Variants in EYS observed in about 807,000 individuals in gnomAD.
The protein encoded by EYS is protein eyes shut homolog.
Under a neutral mutation model 282.1 loss-of-function variants are expected in EYS, and 250 were observed. The ratio of observed to expected loss-of-function variants is 0.89; its 90% confidence interval spans 0.80 to 0.98. EYS has a LOEUF of 0.98. EYS is among the 50% of genes least tolerant of loss of function. The pLI is 0.00. For synonymous variants in EYS, 1,355 were observed against 1,282.9 expected (o/e 1.06, Z -1.20); for missense variants, 4,016 against 3,709.0 (o/e 1.08, Z -2.15).
intron 22 of EYS, among the ~76,000 whole-genome samples, chr6:64,672,573 A>C (rs563661208): frequency 1.2e-4 from 19 of 152,298 alleles, no homozygotes; most frequent in Non-Finnish European, 1.9e-4. Context: ...TCACATACTA[A>C]TGTAAATTCC....
intron 12 of EYS, among the ~76,000 whole-genome samples, chr6:65,278,601 C>T (rs1047893693): frequency 2.0e-5 from 3 of 151,834 alleles, no homozygotes; most frequent in African/African-American, 2.4e-5. Context: ...ACCCCAGTTA[C>T]TGATAGGGTT....
At chr6:64,548,341 G>A (rs1484305083) in intron 26 of EYS, among the ~76,000 whole-genome samples, 1 of 152,156 alleles carries the variant, frequency 6.6e-6, no homozygotes, top group Non-Finnish European at 1.5e-5. Flanking sequence ...TATACCCAAA[G>A]GATTATAAAT....
In EYS at chr6:64,579,995, C is replaced by T. The variant is rs968150442; in HGVS notation, c.5644+10228G>A. Among the ~76,000 whole-genome samples the T allele has an allele frequency of 2.0e-5, 3 of 152,076 alleles. No homozygotes were observed. In the East Asian group the frequency reaches 5.8e-4, roughly 29 times the overall value. On this transcript the variant is annotated intron_variant, in intron 26 of 42. Transcript: ENST00000503581. ...GTATATTGAGCCACCCAACTTCTTC[C>T]TTAGGAACCAGGCACATTATATTTA...
At chr6:64,850,443 C>T (rs1765846388) in intron 19 of EYS, among the ~76,000 whole-genome samples, 2 of 152,000 alleles carry the variant, frequency 1.3e-5, no homozygotes, top group Admixed American at 6.6e-5. Flanking sequence ...AGAGGGTCCT[C>T]CCTGAAGAAG....
intron 12 of EYS, among the ~76,000 whole-genome samples, chr6:65,226,142 T>G (rs1391903484): frequency 6.6e-6 from 1 of 152,110 alleles, no homozygotes; most frequent in Non-Finnish European, 1.5e-5. Flanking sequence ...AAAAAATCTA[T>G]TAGCATTAAT....
intron 32 of EYS, among the ~76,000 whole-genome samples, chr6:64,074,494 GA>G (rs1191740784): frequency 2.6e-5 from 4 of 151,370 alleles, no homozygotes; most frequent in South Asian, 2.1e-4. Flanking sequence ...AAATATTGAA[GA>G]TATTCATTGT....
chr6:63,899,656 G>A (rs1476020648), intron 35 of EYS, among the ~76,000 whole-genome samples: 1 of 152,120 alleles, frequency 6.6e-6, no homozygotes, highest in Non-Finnish European at 1.5e-5. Flanking sequence ...TGCCTCTTCT[G>A]GAAAGTGTTC....
At chr6:64,059,664 A>G (rs1771097152) in intron 33 of EYS, among the ~76,000 whole-genome samples, 1 of 152,226 alleles carries the variant, frequency 6.6e-6, no homozygotes, top group African/African-American at 2.4e-5. Context: ...ACCAACTTAC[A>G]GATTCATAGA....
chr6:64,623,281 G>A (rs997035991), intron 23 of EYS, among the ~76,000 whole-genome samples: 1 of 152,110 alleles, frequency 6.6e-6, no homozygotes, highest in East Asian at 1.9e-4. Flanking sequence ...ACTTTATGAG[G>A]AGTTTCTCTT....
At chr6:64,332,966 T>G (rs1770700784) in intron 29 of EYS, among the ~76,000 whole-genome samples, 1 of 152,166 alleles carries the variant, frequency 6.6e-6, no homozygotes, top group South Asian at 2.1e-4. Context: ...CTAAAGCCAT[T>G]TATACTTTCA....
chr6:64,307,815 A>T (rs544493385), intron 29 of EYS, among the ~76,000 whole-genome samples: 34 of 24,950 alleles, frequency 1.4e-3, no homozygotes, highest in East Asian at 5.8e-3. Flanking sequence ...ATCTCATAAC[A>T]TCATGTATCT....
chr6:65,616,592 C>G (rs370002631), intron 2 of EYS, among the ~76,000 whole-genome samples: 8 of 152,166 alleles, frequency 5.3e-5, no homozygotes, highest in African/African-American at 1.4e-4. Context: ...TTGAGACCAT[C>G]CTGGCCAAAA....
intron 9 of EYS, among the ~76,000 whole-genome samples, chr6:65,347,171 T>C (rs1301532920): frequency 1.3e-5 from 2 of 151,816 alleles, no homozygotes; most frequent in Non-Finnish European, 1.5e-5. Context: ...AATTGTCCAA[T>C]TCTAAAATTT....
At chr6:65,208,115 C>G (rs1031672053) in intron 12 of EYS, among the ~76,000 whole-genome samples, 17 of 151,294 alleles carry the variant, frequency 1.1e-4, no homozygotes, top group Admixed American at 3.3e-4. Flanking sequence ...TTATGTCAAA[C>G]CAACAATCCC....
rs79270631 is a variant in EYS, at chr6:64,847,283, ATG to A, written c.2993-24463_2993-24462del. On this transcript the variant is annotated intron_variant, in intron 19 of 42. Transcript: ENST00000503581. ...CTCTGTGTGTATGTATATGTATATT[ATG>A]TGTGTGTGTGTGTGTGTATCCTATT... Among the ~76,000 whole-genome samples, 157 of 149,310 alleles carry A rather than the reference ATG, an allele frequency of 1.1e-3. 4 individuals are homozygous for A. The South Asian group carries it at 0.02, about 19-fold the overall frequency.
At chr6:65,141,293 G>A (rs906173851) in intron 12 of EYS, among the ~76,000 whole-genome samples, 1 of 151,924 alleles carries the variant, frequency 6.6e-6, no homozygotes, top group African/African-American at 2.4e-5. Flanking sequence ...ATTGAACAAC[G>A]AGAACACATG....
intron 35 of EYS, among the ~76,000 whole-genome samples, chr6:63,960,665 C>G (rs1011518107): frequency 5.3e-5 from 8 of 152,078 alleles, no homozygotes; most frequent in African/African-American, 1.5e-4. Context: ...TCTGGTTAGT[C>G]AGCAGTGATC....
At chr6:64,777,688 A>G (rs1159358027) in intron 22 of EYS, among the ~76,000 whole-genome samples, 1 of 152,180 alleles carries the variant, frequency 6.6e-6, no homozygotes, top group African/African-American at 2.4e-5. Flanking sequence ...GTTTGCAAAT[A>G]GTCATCCTTT....
chr6:64,886,855 G>A lies in EYS; in HGVS notation c.2847-13C>T. On this transcript the variant is annotated splice_polypyrimidine_tract_variant and intron_variant, in intron 18 of 42. Transcript: ENST00000503581. ...ATTACAAAAAAATCTGGAGAAAAGT[G>A]GAGAAATGAGGAATAGCCATGTAAC... 6.9e-7 allele frequency: 1 copy of A among 1,459,022 alleles called. No individual in the cohort carries two copies. Among genetic ancestry groups the A allele is most frequent in the Non-Finnish European group, 9.2e-7 (1 of 1,083,656 alleles). 90.4% of individuals were successfully genotyped at this position (1,459,022 alleles called of 1,614,324 possible).
Sources: allele counts gnomAD v4.1 joint callset (sites outside exome capture counted in the v4.1 genomes callset), GRCh38; gene constraint gnomAD v4.1.1; transcripts MANE v1.5; gene names NCBI Gene and HGNC (gene_info 2026-07-23, HGNC 2026-07-21).